Variants in SKI observed in about 807,000 individuals in gnomAD.
SKI encodes the protein ski oncogene.
Under a neutral mutation model 59.3 loss-of-function variants are expected in SKI, and 23 were observed. That is an observed-to-expected ratio of 0.39 (90% CI 0.28 to 0.55). The LOEUF is 0.55. Among genes scored for constraint, SKI ranks in the 20% least tolerant of loss-of-function variants. The pLI is 0.67. For missense variants in SKI, 1,017 were observed against 1,038.9 expected (o/e 0.98, Z 0.29); for synonymous variants, 673 against 488.6 (o/e 1.38, Z -4.98).
intron 1 of SKI, among the ~76,000 whole-genome samples, chr1:2,293,099 C>T (rs1218415251): frequency 6.6e-6 from 1 of 152,194 alleles, no homozygotes; most frequent in African/African-American, 2.4e-5. Context: ...AAACCTGAAC[C>T]TGAAGTCCCA....
At chr1:2,285,620 A>G (rs192285821) in intron 1 of SKI, among the ~76,000 whole-genome samples, 1 of 148,916 alleles carries the variant, frequency 6.7e-6, no homozygotes, top group Non-Finnish European at 1.5e-5. Context: ...GCTGGAGTGC[A>G]GTGGCGTGAT....
At chr1:2,245,222 C>T (rs1276800713) in intron 1 of SKI, among the ~76,000 whole-genome samples, 1 of 152,182 alleles carries the variant, frequency 6.6e-6, no homozygotes, top group Non-Finnish European at 1.5e-5. Context: ...CACTCAGCAC[C>T]ATGTCCTCAA....
At chr1:2,290,520 C>A (rs1351398158) in intron 1 of SKI, among the ~76,000 whole-genome samples, 1 of 143,064 alleles carries the variant, frequency 7.0e-6, no homozygotes, top group African/African-American at 2.5e-5. Flanking sequence ...GAGACCAGCC[C>A]CAGAACAACA....
intron 1 of SKI, among the ~76,000 whole-genome samples, chr1:2,238,226 C>T (rs1382862261): frequency 6.6e-6 from 1 of 152,270 alleles, no homozygotes; most frequent in Non-Finnish European, 1.5e-5. Flanking sequence ...CCGTGCCTCC[C>T]TTCAGGATCC....
At chr1:2,231,618 T>G (rs1250166668) in intron 1 of SKI, among the ~76,000 whole-genome samples, 1 of 152,234 alleles carries the variant, frequency 6.6e-6, no homozygotes. Flanking sequence ...TCCCCAGCAC[T>G]GCTCTGAAAT....
chr1:2,275,226 G>T (rs1332881047), intron 1 of SKI, among the ~76,000 whole-genome samples: 2 of 152,214 alleles, frequency 1.3e-5, no homozygotes, highest in Non-Finnish European at 2.9e-5. Flanking sequence ...GGAACATCGG[G>T]CCCCTGAGAG....
intron 1 of SKI, among the ~76,000 whole-genome samples, chr1:2,285,425 G>C (rs1477133160): frequency 6.6e-6 from 1 of 151,770 alleles, no homozygotes; most frequent in Non-Finnish European, 1.5e-5. Context: ...TGAGGCAGGA[G>C]AATTGCTTGA....
At chr1:2,299,961 T>G (rs1640383365) in intron 1 of SKI, among the ~76,000 whole-genome samples, 1 of 152,274 alleles carries the variant, frequency 6.6e-6, no homozygotes, top group Non-Finnish European at 1.5e-5. Flanking sequence ...CATCCACTGC[T>G]GGCTCACCTG....
At chr1:2,266,145 C>G (rs1039333214) in intron 1 of SKI, among the ~76,000 whole-genome samples, 11 of 152,070 alleles carry the variant, frequency 7.2e-5, no homozygotes, top group African/African-American at 2.4e-4. Flanking sequence ...GCAGAATCTT[C>G]TGAGAGACAT....
At chr1:2,306,544 G>GC in intron 6 of SKI, 33 bp from the exon 7 acceptor site, 2 of 1,530,970 alleles carry the variant, frequency 1.3e-6, no homozygotes, top group Non-Finnish European at 1.8e-6. Context: ...AGGGCAGCGA[G>GC]CAGGCGCCGC....
intron 1 of SKI, among the ~76,000 whole-genome samples, chr1:2,237,105 C>G (rs1013793845): frequency 3.3e-5 from 5 of 152,214 alleles, no homozygotes; most frequent in African/African-American, 1.2e-4. Context: ...CCTTCCCGAC[C>G]AGACCTGACC....
In SKI at chr1:2,269,930, C is replaced by T. The variant is rs1458288404; in HGVS notation, c.970-33048C>T. ...GTGGGTCTGGCGGGTCTGGTGGTGC[C>T]TGTGGCTGGCGTGGGTCTGGCGGGT... On this transcript the variant is annotated intron_variant, in intron 1 of 6. Coordinates refer to ENST00000378536, the MANE Select transcript of SKI (RefSeq NM_003036.4). The surrounding 1 kb of genome is among the most constrained non-coding windows in gnomAD (Gnocchi z 4.7). Among the ~76,000 whole-genome samples the T allele has an allele frequency of 9.6e-6, 1 of 104,192 alleles. No homozygotes were observed. Among genetic ancestry groups the T allele is most frequent in the Non-Finnish European group, 1.9e-5 (1 of 51,866 alleles). The allele number at this position is 104,192 out of a possible 152,430, so 68.4% of individuals were successfully genotyped here. A position where few individuals can be genotyped will look rare whatever the true frequency, so the allele number is the denominator to read the frequency against.
In SKI at chr1:2,228,458, G is replaced by C. The variant is rs1323574745; in HGVS notation, c.-309G>C. On this transcript the variant is annotated 5_prime_UTR_variant, in exon 1 of 7. Transcript: ENST00000378536. The stretch of plus-strand genomic sequence containing the variant: ...GGCGGCGCGCGCCGGGGCATGCCCC[G>C]CGCCTAGAGCCCGGGGGGCGCGCGG... Among the ~76,000 whole-genome samples the C allele has an allele frequency of 7.1e-6, 1 of 141,648 alleles. No homozygotes were observed. Among genetic ancestry groups the C allele is most frequent in the Non-Finnish European group, 1.6e-5 (1 of 64,162 alleles). The allele number at this position is 141,648 out of a possible 152,430, so 92.9% of individuals were successfully genotyped here. A position where few individuals can be genotyped will look rare whatever the true frequency, so the allele number is the denominator to read the frequency against.
At chr1:2,235,621 TC>T (rs1395548642) in intron 1 of SKI, among the ~76,000 whole-genome samples, 1 of 152,256 alleles carries the variant, frequency 6.6e-6, no homozygotes, top group Admixed American at 6.5e-5. Flanking sequence ...TTGATATTTT[TC>T]CAGGCTGCCT....
Position 2,283,920 on chromosome 1 carries a change from G to T in SKI, c.970-19058G>T, listed in dbSNP as rs534599077. Among the ~76,000 whole-genome samples the T allele has an allele frequency of 2.0e-5, 3 of 152,288 alleles. No individual in the cohort carries two copies. The South Asian group carries it at 6.2e-4, about 32-fold the overall frequency. ...CCCGCTGGCGGGTGGGGGCCACTGT[G>T]GCGTCCCCTTCCTGCAGGAGGCGGG... is the stretch of plus-strand genomic sequence containing the variant. On this transcript the variant is annotated intron_variant, in intron 1 of 6. Transcript: ENST00000378536.
chr1:2,303,475 A>G lies in SKI; in HGVS notation c.1211+75A>G, dbSNP rs1640479843. 1.5e-6 allele frequency: 2 copies of G among 1,328,698 alleles called. No individual in the cohort carries two copies. Among genetic ancestry groups the G allele is most frequent in the Non-Finnish European group, 2.1e-6 (2 of 938,856 alleles). 82.3% of individuals were successfully genotyped at this position (1,328,698 alleles called of 1,614,324 possible). On this transcript the variant is annotated intron_variant, in intron 3 of 6. Transcript: ENST00000378536. This position sits in a 1 kb window ranked among gnomAD's most constrained non-coding sequence, Gnocchi z 5.6. ...GAGGGCTGTGCATGCGGACGCGCCC[A>G]TGTTTCTGCAGGCTGGGTGCCCAGA...
At position 2,282,755 on chromosome 1, in the gene SKI, G is replaced by A. The variant is rs150245196; in HGVS notation, c.970-20223G>A. On this transcript the variant is annotated intron_variant, in intron 1 of 6. Transcript: ENST00000378536. ...GAGGCTGGGCTCCCCGTCAAGGAGC[G>A]GTTTCCAGGGACACCGGCTCTCGGG... Among the ~76,000 whole-genome samples, 1,372 of 152,292 alleles carry A rather than the reference G, an allele frequency of 9.0e-3. 25 individuals are homozygous for A. The highest frequency in any genetic ancestry group is 0.03 in the African/African-American group (1,252 of 41,548).
intron 1 of SKI, among the ~76,000 whole-genome samples, chr1:2,265,108 G>A (rs146871019): frequency 7.4e-4 from 112 of 152,230 alleles, no homozygotes; most frequent in African/African-American, 2.6e-3. Flanking sequence ...CACGGCGCCC[G>A]GCTGGACATG....
rs1244205502 is a variant in SKI, at chr1:2,269,916, G to A, written c.970-33062G>A. Among the ~76,000 whole-genome samples, 3 of 115,586 alleles carry A rather than the reference G, an allele frequency of 2.6e-5. No homozygotes were observed. The highest frequency in any genetic ancestry group is 5.5e-5 in the Non-Finnish European group (3 of 54,786). 75.8% of individuals were successfully genotyped at this position (115,586 alleles called of 152,430 possible). A position where few individuals can be genotyped will look rare whatever the true frequency, so the allele number is the denominator to read the frequency against. Reference sequence around the variant, plus strand: ...TGCCTGTGGCTGGCGTGGGTCTGGCGGGTCTGGTGGTGCCTGTGGCTGGCG... The same window carrying A: ...TGCCTGTGGCTGGCGTGGGTCTGGCAGGTCTGGTGGTGCCTGTGGCTGGCG... On this transcript the variant is annotated intron_variant, in intron 1 of 6. Coordinates refer to ENST00000378536, the MANE Select transcript of SKI (RefSeq NM_003036.4). This position sits in a 1 kb window ranked among gnomAD's most constrained non-coding sequence, Gnocchi z 4.7.
Sources: gnomAD v4.1 joint callset for allele counts (sites outside exome capture counted in the v4.1 genomes callset) on GRCh38, gnomAD v4.1.1 for gene constraint, Gnocchi (gnomAD v3.1) non-coding constraint, MANE v1.5 for transcripts, NCBI Gene and HGNC (gene_info 2026-07-23, HGNC 2026-07-21) for gene names.